Variants in SLCO3A1 observed in about 807,000 individuals in gnomAD.
The protein encoded by SLCO3A1 is solute carrier organic anion transporter family member 3A1, also known as PGE1 transporter.
Under a neutral mutation model 63.1 loss-of-function variants are expected in SLCO3A1, and 27 were observed. The ratio of observed to expected loss-of-function variants is 0.43; its 90% confidence interval spans 0.32 to 0.59. SLCO3A1 has a LOEUF of 0.59. Among genes scored for constraint, SLCO3A1 ranks in the 20% least tolerant of loss-of-function variants. The pLI is 0.09. For missense variants in SLCO3A1, 773 were observed against 945.8 expected, an observed-to-expected ratio of 0.82 and a Z score of 2.40; for synonymous variants, 473 against 409.9, an observed-to-expected ratio of 1.15 and a Z score of -1.86.
At chr15:91,917,980 C>T (rs1898717606) in intron 2 of SLCO3A1, among the ~76,000 whole-genome samples, 1 of 152,188 alleles carries the variant, frequency 6.6e-6, no homozygotes. Context: ...ATTGTTGTCT[C>T]TGCTGATAGA....
intron 1 of SLCO3A1, among the ~76,000 whole-genome samples, chr15:91,880,166 C>CTATCTATCTATCTATCTATCT (rs1555446413): frequency 2.3e-5 from 3 of 132,580 alleles, no homozygotes; most frequent in Admixed American, 7.8e-5. Context: ...TCCATCCATC[C>CTATCTATCTATCTATCTATCT]ATCCATCTAT....
chr15:92,135,740 G>C (rs1407554879), intron 7 of SLCO3A1, among the ~76,000 whole-genome samples: 1 of 152,170 alleles, frequency 6.6e-6, no homozygotes, highest in Non-Finnish European at 1.5e-5. Context: ...CTTTATTGTG[G>C]TGGTGTCCCA....
At chr15:91,879,704 C>G (rs148385561) in intron 1 of SLCO3A1, among the ~76,000 whole-genome samples, 100 of 152,200 alleles carry the variant, frequency 6.6e-4, no homozygotes, top group Middle Eastern at 3.4e-3. Flanking sequence ...ATATAGATGT[C>G]CCTATATAGA....
At chr15:92,053,474 G>A (rs925539730) in intron 2 of SLCO3A1, among the ~76,000 whole-genome samples, 7 of 152,042 alleles carry the variant, frequency 4.6e-5, no homozygotes, top group Admixed American at 6.6e-5. Flanking sequence ...ATTCAGATGC[G>A]TGTAGTTTTT....
At chr15:92,116,819 A>C (rs1161393223) in intron 4 of SLCO3A1, among the ~76,000 whole-genome samples, 1 of 152,128 alleles carries the variant, frequency 6.6e-6, no homozygotes, top group African/African-American at 2.4e-5. Flanking sequence ...TGGGGATGGG[A>C]GGAAGAACTT....
chr15:92,078,016 G>T (rs1251974088), intron 2 of SLCO3A1, among the ~76,000 whole-genome samples: 1 of 152,102 alleles, frequency 6.6e-6, no homozygotes, highest in Non-Finnish European at 1.5e-5. Flanking sequence ...GGGTTGTGAG[G>T]ATTACATTCT....
intron 4 of SLCO3A1, among the ~76,000 whole-genome samples, chr15:92,115,845 A>G (rs898665112): frequency 7.1e-6 from 1 of 140,240 alleles, no homozygotes; most frequent in Non-Finnish European, 1.6e-5. Flanking sequence ...AAAATGGACT[A>G]AGTCCCAGAT....
At position 92,154,231 on chromosome 15, in the gene SLCO3A1, A is replaced by T. The variant is rs540768638; in HGVS notation, c.1753+3217A>T. 1.3e-3 allele frequency among the ~76,000 whole-genome samples: 198 copies of T among 152,336 alleles called. 1 individual carries two copies. Among genetic ancestry groups the T allele is most frequent in the African/African-American group, 4.5e-3 (188 of 41,578 alleles). On this transcript the variant is annotated intron_variant, in intron 9 of 9. Coordinates refer to ENST00000318445, the MANE Select transcript of SLCO3A1 (RefSeq NM_013272.4). ...ATTATTCTCCAAGTGGAAGCATAAG[A>T]ACTGGAGTCTTAGAAAGGGGCACCC...
chr15:92,162,143 T>C (rs1025753071), intron 9 of SLCO3A1: 8 of 144,174 alleles, frequency 5.5e-5, no homozygotes, highest in African/African-American at 2.1e-4. Flanking sequence ...CTTTTTTTTT[T>C]TTTTTTTTTT....
intron 2 of SLCO3A1, among the ~76,000 whole-genome samples, chr15:91,989,843 G>A (rs1002433135): frequency 4.6e-5 from 7 of 152,180 alleles, no homozygotes; most frequent in Non-Finnish European, 8.8e-5. Flanking sequence ...ATGAATTAGA[G>A]GACAGAATTA....
At chr15:92,087,103 C>T (rs191004564) in intron 2 of SLCO3A1, among the ~76,000 whole-genome samples, 23 of 152,272 alleles carry the variant, frequency 1.5e-4, no homozygotes, top group African/African-American at 5.1e-4. Flanking sequence ...CTCTGATCCA[C>T]CTGGAATTGA....
At chr15:92,127,260 G>A (rs751257918) in intron 6 of SLCO3A1, among the ~76,000 whole-genome samples, 1 of 152,200 alleles carries the variant, frequency 6.6e-6, no homozygotes, top group African/African-American at 2.4e-5. Flanking sequence ...GCTGTCTCAA[G>A]TAGCAGACTG....
chr15:91,945,065 G>A (rs1361019010), intron 2 of SLCO3A1, among the ~76,000 whole-genome samples: 1 of 152,084 alleles, frequency 6.6e-6, no homozygotes, highest in African/African-American at 2.4e-5. Flanking sequence ...AATATTTTTG[G>A]TTGGGCATGG....
rs540951632 is a variant in SLCO3A1 at position 91,946,029 on chromosome 15, T to C, written c.646+29571T>C. Among the ~76,000 whole-genome samples the C allele has an allele frequency of 1.2e-3, 178 of 152,360 alleles. 1 individual carries two copies. The highest frequency in any genetic ancestry group is 4.0e-3 in the African/African-American group (167 of 41,576). On this transcript the variant is annotated intron_variant, in intron 2 of 9. Coordinates refer to ENST00000318445, the MANE Select transcript of SLCO3A1 (RefSeq NM_013272.4). Reference sequence around the variant, plus strand: ...CTATCTGTCATTTTCTTTGAACATATAAATATCACTTGGTGATAGCGAAGT... The same window carrying C: ...CTATCTGTCATTTTCTTTGAACATACAAATATCACTTGGTGATAGCGAAGT...
rs376741565 is a variant in SLCO3A1, at chr15:92,095,020, G to A, written c.745+41G>A. 1.3e-4 allele frequency: 172 copies of A among 1,365,820 alleles called. 1 individual carries two copies. In the African/African-American group the frequency reaches 1.4e-3, roughly 11 times the overall value. 84.6% of individuals were successfully genotyped at this position (1,365,820 alleles called of 1,614,324 possible). On this transcript the variant is annotated intron_variant, in intron 3 of 9. Coordinates refer to ENST00000318445, the MANE Select transcript of SLCO3A1 (RefSeq NM_013272.4). ...CCATGTCTACCTTCCATCCGCAAGC[G>A]TTTCCTCCCTCATAAATGCGGCTTC...
At chr15:92,027,424 G>A (rs138987925) in intron 2 of SLCO3A1, among the ~76,000 whole-genome samples, 7 of 152,258 alleles carry the variant, frequency 4.6e-5, no homozygotes, top group East Asian at 3.9e-4. Context: ...TACCGTCATC[G>A]TTTTTTTCGA....
chr15:92,030,718 A>G (rs1001466840), intron 2 of SLCO3A1, among the ~76,000 whole-genome samples: 3 of 152,148 alleles, frequency 2.0e-5, no homozygotes, highest in African/African-American at 7.2e-5. Context: ...CCACCATGGC[A>G]GAGAGGAAAG....
chr15:91,936,616 G>T (rs1398277157), intron 2 of SLCO3A1, among the ~76,000 whole-genome samples: 2 of 152,166 alleles, frequency 1.3e-5, no homozygotes, highest in South Asian at 2.1e-4. Context: ...AATGCATGTC[G>T]TGCGGCTTAC....
chr15:92,115,481 T>G (rs1397390652), intron 4 of SLCO3A1, among the ~76,000 whole-genome samples: 1 of 152,098 alleles, frequency 6.6e-6, no homozygotes, highest in Non-Finnish European at 1.5e-5. Flanking sequence ...GTGGATCACT[T>G]CTTTTATATT....
Sources: allele counts gnomAD v4.1 joint callset (sites outside exome capture counted in the v4.1 genomes callset), GRCh38; gene constraint gnomAD v4.1.1; transcripts MANE v1.5; gene names NCBI Gene and HGNC (gene_info 2026-07-23, HGNC 2026-07-21).